The following GLYR1 variants were observed in gnomAD, a reference collection of about 807,000 sequenced individuals.
The protein encoded by GLYR1 is glyoxylate reductase 1 homolog, also known as cytokine-like nuclear factor N-PAC.
GLYR1 carries 21 observed loss-of-function variants against 72.7 expected under a neutral mutation model. That is an observed-to-expected ratio of 0.29 (90% confidence interval 0.20 to 0.42). The LOEUF (loss-of-function observed/expected upper bound fraction) is 0.42. Ranked by LOEUF, GLYR1 falls within the 10% of genes least tolerant of loss-of-function variation. The probability of loss-of-function intolerance (pLI) is 1.00; values close to 1 mark genes in which losing one functional copy is unlikely to be tolerated. For synonymous variants in GLYR1, 392 were observed against 270.2 expected (o/e 1.45, Z -4.42); for missense variants, 594 against 712.1 (o/e 0.83, Z 1.89).
At chr16:4,812,968 T>A (rs1265305829) in intron 12 of GLYR1, among the ~76,000 whole-genome samples, 2 of 140,402 alleles carry the variant, frequency 1.4e-5, no homozygotes, top group African/African-American at 2.7e-5. Context: ...GGCTAATTTT[T>A]TTTTTTTTTT....
intron 3 of GLYR1, chr16:4,840,473 C>A (rs2085465991): frequency 6.6e-6 from 1 of 152,096 alleles, no homozygotes; most frequent in Non-Finnish European, 1.5e-5. Context: ...GTAAAAAGAG[C>A]AAACCTGGCT....
intron 3 of GLYR1, chr16:4,843,557 C>T: frequency 3.9e-6 from 5 of 1,289,146 alleles, no homozygotes; most frequent in Non-Finnish European, 5.1e-6. Context: ...ACTGCCACCA[C>T]AGGCTGCTAA....
intron 13 of GLYR1, 97 bp downstream of exon 13, chr16:4,811,989 C>G: frequency 2.0e-6 from 3 of 1,494,806 alleles, no homozygotes; most frequent in Non-Finnish European, 2.7e-6. Context: ...CCCCAGGGTC[C>G]CCGGCAGAAA....
chr16:4,811,362 C>T, intron 14 of GLYR1, 68 bp from the exon 15 acceptor site: 1 of 1,592,424 alleles, frequency 6.3e-7, no homozygotes, highest in South Asian at 1.1e-5. Context: ...TACGGTCCAC[C>T]AGGTGTCAGT....
intron 5 of GLYR1, among the ~76,000 whole-genome samples, chr16:4,828,012 G>A (rs1443752293): frequency 6.6e-6 from 1 of 151,944 alleles, no homozygotes; most frequent in Non-Finnish European, 1.5e-5. Context: ...TGTTCACTTT[G>A]TGTCTCTGTC....
At chr16:4,822,754 A>T in intron 7 of GLYR1, 121 bp downstream of exon 7, 1 of 795,206 alleles carries the variant, frequency 1.3e-6, no homozygotes, top group Non-Finnish European at 2.2e-6. Context: ...CTTCTGGGCT[A>T]GTTGCTCTGG....
chr16:4,847,148 C>T, intron 1 of GLYR1, 80 bp downstream of exon 1: 1 of 1,363,458 alleles, frequency 7.3e-7, no homozygotes, highest in Non-Finnish European at 1.0e-6. Context: ...AAAAAGGCAG[C>T]TCCAGGGCCG....
intron 5 of GLYR1, among the ~76,000 whole-genome samples, chr16:4,827,415 C>T (rs1257389645): frequency 2.0e-5 from 3 of 152,222 alleles, no homozygotes; most frequent in South Asian, 2.1e-4. Context: ...GTACCACATG[C>T]CAGCTCTGTC....
chr16:4,817,593 C>T lies in GLYR1; in HGVS notation c.906+5G>A. The T allele has an allele frequency of 6.3e-7, 1 of 1,589,896 alleles. No homozygotes were observed. Among genetic ancestry groups the T allele is most frequent in the Non-Finnish European group, 8.6e-7 (1 of 1,157,830 alleles). ...ATCCAACAGGCACCACCCCTGAATGCTTACTTTCTCTGCAGTGCGGTTCCA... is the reference window on the plus strand; with the variant it reads ...ATCCAACAGGCACCACCCCTGAATGTTTACTTTCTCTGCAGTGCGGTTCCA... On this transcript the variant is annotated splice_donor_5th_base_variant and intron_variant, in intron 10 of 15. Transcript: ENST00000321919.
At chr16:4,836,418 C>T (rs2085136103) in intron 3 of GLYR1, among the ~76,000 whole-genome samples, 1 of 152,200 alleles carries the variant, frequency 6.6e-6, no homozygotes, top group Non-Finnish European at 1.5e-5. Flanking sequence ...TTAGATGGAG[C>T]TATATCTTTC....
At position 4,841,457 on chromosome 16, in the gene GLYR1, CAAAAAAAAAAAA is replaced by C. The variant is rs1160441336; in HGVS notation, c.155+3605_155+3616del. Among the ~76,000 whole-genome samples the C allele has an allele frequency of 6.3e-4, 20 of 31,948 alleles. No individual in the cohort carries two copies. The East Asian group carries it at 8.1e-3, about 13-fold the overall frequency. The allele number at this position is 31,948 out of a possible 152,430, so 21.0% of individuals were successfully genotyped here. On this transcript the variant is annotated intron_variant, in intron 3 of 15. Coordinates refer to ENST00000321919, the MANE Select transcript of GLYR1 (RefSeq NM_032569.4). ...GAAACATGGCGAGAACTTGTCTCTACAAAAAAAAAAAAAAAAAAAAAAAAAAAAAGTAAAAAA... is the reference window on the plus strand; with the variant it reads ...GAAACATGGCGAGAACTTGTCTCTACAAAAAAAAAAAAAAAAAGTAAAAAA...
At chr16:4,805,442 G>C in intron 15 of GLYR1, 132 bp from the exon 16 acceptor site, 1 of 739,086 alleles carries the variant, frequency 1.4e-6, no homozygotes, top group East Asian at 2.6e-5. Flanking sequence ...TAGGAATCCT[G>C]TGTTGACCTT....
At chr16:4,831,829 T>G (rs2084819804) in intron 5 of GLYR1, 150 bp downstream of exon 5, 3 of 1,160,842 alleles carry the variant, frequency 2.6e-6, no homozygotes, top group Non-Finnish European at 3.5e-6. Context: ...CCACCGCACC[T>G]GCCCTGCAGG....
chr16:4,817,162 C>T (rs558410899), intron 10 of GLYR1, among the ~76,000 whole-genome samples: 1 of 151,600 alleles, frequency 6.6e-6, no homozygotes, highest in Non-Finnish European at 1.5e-5. Context: ...CTCTGTCGCC[C>T]AGGCTGGAGT....
At chr16:4,809,611 C>CAAAA (rs1245851187) in intron 15 of GLYR1, among the ~76,000 whole-genome samples, 9 of 80,244 alleles carry the variant, frequency 1.1e-4, no homozygotes, top group African/African-American at 3.9e-4. Context: ...AACTCCGTCT[C>CAAAA]AAAAAAAAAA....
rs199871153 is a variant in GLYR1, at chr16:4,813,120, G to C, written c.1119+617C>G. ...TGGGACTACAGGTGCCCGCCACCGC[G>C]TCCGGCTAATTTTTTTGTATTTTTA... On this transcript the variant is annotated intron_variant, in intron 12 of 15. Coordinates refer to ENST00000321919, the MANE Select transcript of GLYR1 (RefSeq NM_032569.4). Among the ~76,000 whole-genome samples, 8 of 152,132 alleles carry C rather than the reference G, an allele frequency of 5.3e-5. No individual in the cohort carries two copies. The East Asian group carries it at 1.6e-3, about 29-fold the overall frequency.
intron 15 of GLYR1, among the ~76,000 whole-genome samples, chr16:4,807,310 A>C (rs1252611061): frequency 6.6e-6 from 1 of 150,624 alleles, no homozygotes; most frequent in Non-Finnish European, 1.5e-5. Context: ...ACTGGGCTTC[A>C]CTATATTGGC....
chr16:4,807,097 C>A (rs1318198146), intron 15 of GLYR1, among the ~76,000 whole-genome samples: 8 of 142,752 alleles, frequency 5.6e-5, no homozygotes, highest in African/African-American at 2.1e-4. Context: ...TGAGCCACTG[C>A]GCCTGGCCCC....
chr16:4,809,556 G>C (rs973287181), intron 15 of GLYR1, among the ~76,000 whole-genome samples: 5 of 149,584 alleles, frequency 3.3e-5, no homozygotes, highest in South Asian at 2.1e-4. Context: ...AGCTTGCAGT[G>C]AGCCGAGATC....
Sources: allele counts gnomAD v4.1 joint callset (sites outside exome capture counted in the v4.1 genomes callset), GRCh38; gene constraint gnomAD v4.1.1; transcripts MANE v1.5; gene names NCBI Gene and HGNC (gene_info 2026-07-23, HGNC 2026-07-21).